The following NLK variants were observed in gnomAD, a reference collection of about 807,000 sequenced individuals.
NLK encodes the protein nemo like kinase.
In NLK, 11 loss-of-function variants were observed where a neutral mutation model predicts 59.0. That is an observed-to-expected ratio of 0.19 (90% CI 0.12 to 0.31). NLK has a LOEUF of 0.31. Among genes scored for constraint, NLK ranks in the 10% least tolerant of loss-of-function variants. The pLI, the probability that NLK is intolerant of heterozygous loss-of-function variation, is 1.00. For synonymous variants in NLK, 235 were observed against 235.9 expected, an observed-to-expected ratio of 1.00 and a Z score of 0.03; for missense variants, 410 against 661.1, an observed-to-expected ratio of 0.62 and a Z score of 4.16.
intron 8 of NLK, chr17:28,190,819 T>A: frequency 2.1e-6 from 1 of 470,708 alleles, no homozygotes. Context: ...TGATGGTAGA[T>A]AATAACAGTA....
intron 7 of NLK, among the ~76,000 whole-genome samples, chr17:28,178,626 G>A (rs2142063126): frequency 6.6e-6 from 1 of 152,288 alleles, no homozygotes; most frequent in East Asian, 1.9e-4. Flanking sequence ...CCACCTAATT[G>A]TGTCAGAAAT....
chr17:28,105,278 T>C (rs770845620), intron 1 of NLK, among the ~76,000 whole-genome samples: 5 of 152,224 alleles, frequency 3.3e-5, no homozygotes, highest in African/African-American at 4.8e-5. Context: ...CCATGTAATA[T>C]ACACCTGAAA....
chr17:28,164,294 C>T (rs1908129540), intron 5 of NLK, among the ~76,000 whole-genome samples: 2 of 149,618 alleles, frequency 1.3e-5, no homozygotes, highest in Admixed American at 1.4e-4. Flanking sequence ...CACCTGAGCC[C>T]AGAGCGTGAA....
chr17:28,189,713 G>A (rs1909243971), intron 8 of NLK, among the ~76,000 whole-genome samples: 1 of 152,086 alleles, frequency 6.6e-6, no homozygotes, highest in African/African-American at 2.4e-5. Context: ...GAATCTCTAG[G>A]AATCGCTATC....
intron 1 of NLK, among the ~76,000 whole-genome samples, chr17:28,121,986 A>G (rs956595097): frequency 6.6e-6 from 1 of 152,184 alleles, no homozygotes. Context: ...AACTGCAAGA[A>G]GCAACTACCA....
At chr17:28,137,119 C>T (rs973953353) in intron 3 of NLK, among the ~76,000 whole-genome samples, 3 of 151,926 alleles carry the variant, frequency 2.0e-5, no homozygotes, top group East Asian at 1.9e-4. Flanking sequence ...GTAGTGTCTC[C>T]GAAATATGGC....
At chr17:28,085,250 A>T (rs901998254) in intron 1 of NLK, among the ~76,000 whole-genome samples, 1 of 152,182 alleles carries the variant, frequency 6.6e-6, no homozygotes, top group East Asian at 1.9e-4. Context: ...CATGGAGTGA[A>T]TAAAGTTTAC....
intron 8 of NLK, among the ~76,000 whole-genome samples, chr17:28,186,365 T>C (rs1191205356): frequency 6.6e-6 from 1 of 152,172 alleles, no homozygotes; most frequent in Admixed American, 6.5e-5. Context: ...CCAATTAGGG[T>C]GACCCAAATT....
At chr17:28,136,391 C>A (rs1456187165) in intron 3 of NLK, among the ~76,000 whole-genome samples, 1 of 152,002 alleles carries the variant, frequency 6.6e-6, no homozygotes, top group Non-Finnish European at 1.5e-5. Flanking sequence ...AAACTGAATC[C>A]TTTTAACATA....
At chr17:28,111,896 G>GTGTGTGTGTGGTGT (rs1394476582) in intron 1 of NLK, among the ~76,000 whole-genome samples, 10 of 67,544 alleles carry the variant, frequency 1.5e-4, no homozygotes, top group African/African-American at 2.5e-4. Flanking sequence ...GTGTGTGTGT[G>GTGTGTGTGTGGTGT]GTGTGTGTGT....
At chr17:28,050,776 G>A (rs971165890) in intron 1 of NLK, among the ~76,000 whole-genome samples, 1 of 152,114 alleles carries the variant, frequency 6.6e-6, no homozygotes, top group South Asian at 2.1e-4. Context: ...GCAGAAGATT[G>A]TTAGGAAAAT....
At position 28,192,191 on chromosome 17, in the gene NLK, G is replaced by A. The variant is rs776060087; in HGVS notation, c.1507G>A (p.Ala503Thr). The part of the protein sequence containing the change: ...RVPLCINPQS[A>T]AFKSFISSTV... ...GCCTCTCTGCATCAACCCTCAGTCT[G>A]CTGCTTTTAAGAGCTTTATTAGGTA... Residue 503 changes from alanine (A) to threonine (T), a missense_variant, in exon 10 of 11, where the codon GCT becomes ACT. By Grantham distance (58) the Ala-to-Thr change is moderately conservative. Coordinates refer to ENST00000407008, the MANE Select transcript of NLK (RefSeq NM_016231.5). 3 of 1,602,022 alleles carry A rather than the reference G, an allele frequency of 1.9e-6. No individual in the cohort carries two copies. The highest frequency in any genetic ancestry group is 1.7e-6 in the Non-Finnish European group (2 of 1,170,778).
At chr17:28,171,122 T>C (rs1388538567) in intron 6 of NLK, 1 of 152,218 alleles carries the variant, frequency 6.6e-6, no homozygotes, top group Non-Finnish European at 1.5e-5. Flanking sequence ...CATTTCCTTC[T>C]GCCTTTAGTG....
chr17:28,058,587 TGAATTGA>T (rs1185340204), intron 1 of NLK, among the ~76,000 whole-genome samples: 1 of 152,180 alleles, frequency 6.6e-6, no homozygotes, highest in Non-Finnish European at 1.5e-5. Flanking sequence ...TGTTGGTTGC[TGAATTGA>T]AAGCTTCTAG....
intron 3 of NLK, among the ~76,000 whole-genome samples, chr17:28,147,793 T>C (rs1381213001): frequency 4.6e-5 from 7 of 152,334 alleles, no homozygotes; most frequent in Middle Eastern, 3.4e-3. Flanking sequence ...TCAGCAAATT[T>C]TGTGGGAATC....
intron 5 of NLK, among the ~76,000 whole-genome samples, chr17:28,165,074 A>G (rs991509354): frequency 6.6e-6 from 1 of 152,172 alleles, no homozygotes; most frequent in African/African-American, 2.4e-5. Context: ...TGCCACCAAA[A>G]TCTACTAAAG....
chr17:28,158,884 G>T (rs1414705919), intron 3 of NLK, among the ~76,000 whole-genome samples: 10 of 152,048 alleles, frequency 6.6e-5, no homozygotes, highest in African/African-American at 4.8e-5. Context: ...GCCTACACAG[G>T]TTTAGTCACC....
chr17:28,197,027 A>G (rs1909500808), downstream of NLK, among the ~76,000 whole-genome samples: 1 of 152,188 alleles, frequency 6.6e-6, no homozygotes, highest in East Asian at 1.9e-4. Context: ...ATATAAATAC[A>G]TTTATTATTC....
At chr17:28,074,194 A>G (rs879903023) in intron 1 of NLK, among the ~76,000 whole-genome samples, 1 of 152,186 alleles carries the variant, frequency 6.6e-6, no homozygotes, top group Admixed American at 6.5e-5. Context: ...TTTGGAGCAA[A>G]TGAACATTCA....
Sources: gnomAD v4.1 joint callset for allele counts (sites outside exome capture counted in the v4.1 genomes callset) on GRCh38, gnomAD v4.1.1 for gene constraint, MANE v1.5 for transcripts, NCBI Gene and HGNC (gene_info 2026-07-23, HGNC 2026-07-21) for gene names.